Variants in NEK6 observed in about 807,000 individuals in gnomAD.
NEK6 encodes serine/threonine-protein kinase Nek6.
In NEK6, 27 loss-of-function variants were observed where a neutral mutation model predicts 43.5. The observed-to-expected ratio is 0.62, with a 90% CI of 0.46 to 0.86. The LOEUF is 0.86. NEK6 is among the 40% of genes least tolerant of loss of function. The probability of loss-of-function intolerance (pLI) is 0.00; values close to 1 mark genes in which losing one functional copy is unlikely to be tolerated. For synonymous variants in NEK6, 167 were observed against 164.1 expected (o/e 1.02, Z -0.14); for missense variants, 318 against 414.4 (o/e 0.77, Z 2.02).
At chr9:124,288,572 C>A (rs890600276) in intron 1 of NEK6, among the ~76,000 whole-genome samples, 1 of 152,172 alleles carries the variant, frequency 6.6e-6, no homozygotes, top group Non-Finnish European at 1.5e-5. Flanking sequence ...GCGTGAGCCA[C>A]CCTGCTCGGC....
At position 124,326,449 on chromosome 9, in the gene NEK6, CCCG is replaced by C; in HGVS notation, c.514+14_514+16del. 21 of 1,600,780 alleles carry C rather than the reference CCCG, an allele frequency of 1.3e-5. No individual in the cohort carries two copies. Among genetic ancestry groups the C allele is most frequent in the Non-Finnish European group, 1.8e-5 (21 of 1,175,478 alleles). ...GGGTGATGCACCGAGGTACGTGCCA[CCCG>C]CCAGGAGCCGCCCGGAGCCACCTGG... On this transcript the variant is annotated intron_variant, in intron 6 of 9. Transcript: ENST00000320246. The surrounding 1 kb of genome is among the most constrained non-coding windows in gnomAD (Gnocchi z 4.5).
chr9:124,311,713 G>A (rs887946719), intron 2 of NEK6, among the ~76,000 whole-genome samples: 1 of 152,120 alleles, frequency 6.6e-6, no homozygotes, highest in African/African-American at 2.4e-5. Context: ...TTTGAGAGGG[G>A]GACAGAGTCT....
chr9:124,292,870 G>A, intron 1 of NEK6: 1 of 1,457,110 alleles, frequency 6.9e-7, no homozygotes, highest in Non-Finnish European at 9.1e-7. Flanking sequence ...ACATGAATTA[G>A]AGACAGCACG....
chr9:124,350,749 G>T, intron 9 of NEK6, 88 bp from the exon 10 acceptor site: 2 of 891,784 alleles, frequency 2.2e-6, no homozygotes, highest in South Asian at 2.8e-5. Flanking sequence ...CTCTGAGGAT[G>T]AAGTGCCTTC....
At chr9:124,327,508 G>A (rs1440351165) in intron 7 of NEK6, 63 bp downstream of exon 7, 11 of 1,241,874 alleles carry the variant, frequency 8.9e-6, no homozygotes, top group African/African-American at 4.4e-5. Context: ...GCAGGGAGAC[G>A]CAAACATTCT....
chr9:124,337,199 C>T (rs1829340806), intron 7 of NEK6, among the ~76,000 whole-genome samples: 1 of 152,162 alleles, frequency 6.6e-6, no homozygotes, highest in Non-Finnish European at 1.5e-5. Context: ...TGCACGGTTC[C>T]AGCTCATCCA....
intron 1 of NEK6, among the ~76,000 whole-genome samples, chr9:124,272,004 C>G (rs2118923978): frequency 6.6e-6 from 1 of 152,364 alleles, no homozygotes; most frequent in Middle Eastern, 3.4e-3. Flanking sequence ...CCCACTCAGG[C>G]CTCTGTTTTC....
In NEK6 at chr9:124,312,744, C is replaced by G. The variant is rs1226423288; in HGVS notation, c.231+95C>G. 10 of 1,269,280 alleles carry G rather than the reference C, an allele frequency of 7.9e-6. No individual in the cohort carries two copies. In the Admixed American group the frequency reaches 2.5e-4, roughly 31 times the overall value. The allele number at this position is 1,269,280 out of a possible 1,614,324, so 78.6% of individuals were successfully genotyped here. On this transcript the variant is annotated intron_variant, in intron 3 of 9. Coordinates refer to ENST00000320246, the MANE Select transcript of NEK6 (RefSeq NM_014397.6). The stretch of plus-strand genomic sequence containing the variant: ...GGGCCAGTCCCTTCTCTCCCCTCTT[C>G]TGTGAACGAGGGAAACAGCACTCAA...
intron 5 of NEK6, among the ~76,000 whole-genome samples, chr9:124,323,434 G>A (rs148822944): frequency 1.6e-4 from 25 of 152,328 alleles, no homozygotes; most frequent in African/African-American, 5.1e-4. Flanking sequence ...GTGAACAAAC[G>A]TGGTCAGCTC....
At chr9:124,282,357 C>T (rs1230272454) in intron 1 of NEK6, among the ~76,000 whole-genome samples, 4 of 152,238 alleles carry the variant, frequency 2.6e-5, no homozygotes, top group Non-Finnish European at 4.4e-5. Context: ...CTGTGTCCAT[C>T]CCTCATAGAA....
chr9:124,298,457 A>C (rs77758665), intron 1 of NEK6, among the ~76,000 whole-genome samples: 2,685 of 151,988 alleles, frequency 0.018, 77 homozygotes, highest in African/African-American at 0.061. Context: ...GTGCTGCATC[A>C]GCTTGCTGTG....
intron 1 of NEK6, among the ~76,000 whole-genome samples, chr9:124,284,973 A>G (rs1588458419): frequency 6.6e-6 from 1 of 152,250 alleles, no homozygotes; most frequent in East Asian, 1.9e-4. Context: ...TACGTGGTGC[A>G]GTAGGTGCCA....
intron 4 of NEK6, among the ~76,000 whole-genome samples, chr9:124,315,783 C>T (rs1168790953): frequency 6.6e-6 from 1 of 152,222 alleles, no homozygotes; most frequent in Non-Finnish European, 1.5e-5. Flanking sequence ...GGATTTGGTC[C>T]CTTCTCCAGG....
Position 124,339,672 on chromosome 9 carries a change from CTCTG to C in NEK6, c.717+10_717+13del, listed in dbSNP as rs936698305. 6.2e-7 allele frequency: 1 copy of C among 1,603,952 alleles called. No individual in the cohort carries two copies. Among genetic ancestry groups the C allele is most frequent in the Non-Finnish European group, 8.5e-7 (1 of 1,170,770 alleles). ...GGGCTGTCTGCTGTACGAGGTGAGT[CTCTG>C]TCCGTGGCTCAGCAGCATTTGGTGG... On this transcript the variant is annotated splice_region_variant and intron_variant, in intron 8 of 9. Coordinates refer to ENST00000320246, the MANE Select transcript of NEK6 (RefSeq NM_014397.6).
chr9:124,281,413 T>C (rs1831898384), intron 1 of NEK6, among the ~76,000 whole-genome samples: 1 of 151,446 alleles, frequency 6.6e-6, no homozygotes, highest in African/African-American at 2.4e-5. Context: ...TGTGAAGTCT[T>C]CCGCGGACCC....
chr9:124,257,854 C>G, upstream of NEK6: 2 of 1,087,564 alleles, frequency 1.8e-6, no homozygotes, highest in Non-Finnish European at 2.3e-6. Context: ...CCCCCCGCCC[C>G]TCAAGCTTGC....
intron 1 of NEK6, among the ~76,000 whole-genome samples, chr9:124,269,848 C>G (rs1253144445): frequency 6.6e-6 from 1 of 152,132 alleles, no homozygotes; most frequent in East Asian, 1.9e-4. Flanking sequence ...AGACTGTCCC[C>G]CATATAAGTG....
At chr9:124,334,699 G>A (rs1194374062) in intron 7 of NEK6, among the ~76,000 whole-genome samples, 3 of 152,242 alleles carry the variant, frequency 2.0e-5, no homozygotes, top group African/African-American at 7.2e-5. Flanking sequence ...CCGCAAGGTG[G>A]CAAAGGGAAC....
intron 1 of NEK6, among the ~76,000 whole-genome samples, chr9:124,267,731 C>T (rs1368049269): frequency 6.6e-6 from 1 of 152,228 alleles, no homozygotes; most frequent in Non-Finnish European, 1.5e-5. Context: ...TGATGCCATT[C>T]AGCAAGGGAC....
Sources: allele counts gnomAD v4.1 joint callset (sites outside exome capture counted in the v4.1 genomes callset), GRCh38; gene constraint gnomAD v4.1.1; non-coding constraint Gnocchi (gnomAD v3.1); transcripts MANE v1.5; gene names NCBI Gene and HGNC (gene_info 2026-07-23, HGNC 2026-07-21).